FAM234A: variants seen among roughly 807,000 people sequenced by gnomAD.
The protein encoded by FAM234A is family with sequence similarity 234 member A.
In FAM234A, 42 loss-of-function variants were observed where a neutral mutation model predicts 49.1. The ratio of observed to expected loss-of-function variants is 0.86; its 90% CI spans 0.67 to 1.11. The LOEUF is 1.11. Among genes scored for constraint, FAM234A ranks in the 50% least tolerant of loss-of-function variants. The pLI is 0.00. For synonymous variants in FAM234A, 369 were observed against 316.2 expected, an observed-to-expected ratio of 1.17 and a Z score of -1.77; for missense variants, 815 against 745.2, an observed-to-expected ratio of 1.09 and a Z score of -1.09.
intron 1 of FAM234A, among the ~76,000 whole-genome samples, chr16:243,556 T>C (rs1376933921): frequency 6.6e-6 from 1 of 152,236 alleles, no homozygotes; most frequent in Non-Finnish European, 1.5e-5. Flanking sequence ...ACCTGTCTCA[T>C]GGTGTCTTTA....
At chr16:269,341 G>C, downstream of FAM234A, 2 of 1,603,368 alleles carry the variant, frequency 1.2e-6, no homozygotes, top group South Asian at 1.1e-5. Flanking sequence ...GGAGTGCAGG[G>C]CTGGGGCTCG....
chr16:257,381 G>A (rs941208633), intron 3 of FAM234A, among the ~76,000 whole-genome samples: 11 of 151,018 alleles, frequency 7.3e-5, no homozygotes, highest in African/African-American at 2.2e-4. Flanking sequence ...AAGTAGCTGG[G>A]ATTACAGGTG....
chr16:265,622 C>T lies in FAM234A; in HGVS notation c.*600C>T. 7.1e-6 allele frequency: 7 copies of T among 985,568 alleles called. No homozygotes were observed. Among genetic ancestry groups the T allele is most frequent in the Non-Finnish European group, 8.4e-6 (7 of 830,130 alleles). The allele number at this position is 985,568 out of a possible 1,614,324, so 61.1% of individuals were successfully genotyped here. Reference sequence around the variant, plus strand: ...CTAGCATGGGGGGTGTGACTTGGTTCCTTTGACCAGGTCCTGTGAGGAAGC... The same window carrying T: ...CTAGCATGGGGGGTGTGACTTGGTTTCTTTGACCAGGTCCTGTGAGGAAGC... On this transcript the variant is annotated 3_prime_UTR_variant, in exon 13 of 13. Coordinates refer to ENST00000399932, the MANE Select transcript of FAM234A (RefSeq NM_032039.4).
At chr16:261,993 A>G (rs2239740) in intron 6 of FAM234A, 100 bp from the exon 7 acceptor site, 1 of 918,162 alleles carries the variant, frequency 1.1e-6, no homozygotes, top group Non-Finnish European at 1.4e-6. Flanking sequence ...GCCTTGTGTC[A>G]TTGCAGCCCC....
downstream of FAM234A, chr16:269,432 C>G: frequency 6.3e-7 from 1 of 1,589,820 alleles, no homozygotes; most frequent in East Asian, 2.2e-5. Context: ...TGGTGTCCTG[C>G]CCACCTCACT....
intron 10 of FAM234A, 70 bp downstream of exon 10, chr16:263,845 G>A (rs2051583629): frequency 3.2e-5 from 46 of 1,453,440 alleles, no homozygotes; most frequent in South Asian, 2.0e-4. Context: ...GAAAGCAGAC[G>A]GGGCTGCGGC....
intron 2 of FAM234A, among the ~76,000 whole-genome samples, chr16:252,206 CAG>C (rs1390701945): frequency 1.6e-5 from 2 of 127,970 alleles, no homozygotes; most frequent in East Asian, 2.4e-4. Context: ...TTTTTTGAGA[CAG>C]AGTCTCACTG....
chr16:259,898 C>G, intron 4 of FAM234A, 71 bp from the exon 5 acceptor site: 2 of 1,389,004 alleles, frequency 1.4e-6, no homozygotes, highest in Non-Finnish European at 2.0e-6. Flanking sequence ...CCTGGAACAG[C>G]ACATGCTGGG....
downstream of FAM234A, chr16:269,941 C>T (rs572562911): frequency 1.5e-3 from 339 of 227,800 alleles, no homozygotes; most frequent in African/African-American, 7.5e-3. Flanking sequence ...AGGTAGGCCA[C>T]GCATGGTGGC....
downstream of FAM234A, chr16:268,670 TG>T: frequency 8.0e-7 from 1 of 1,246,780 alleles, no homozygotes; most frequent in Non-Finnish European, 1.1e-6. Flanking sequence ...GGCGCACCTG[TG>T]GACAAATTCT....
intron 2 of FAM234A, among the ~76,000 whole-genome samples, chr16:253,241 G>T (rs935775629): frequency 3.3e-5 from 5 of 152,134 alleles, no homozygotes; most frequent in African/African-American, 7.2e-5. Context: ...GGAACCAGGG[G>T]AAGGAGAGGG....
At position 264,171 on chromosome 16, in the gene FAM234A, G is replaced by C. The variant is rs1315754268; in HGVS notation, c.1344G>C (p.Thr448=). 5 of 1,597,722 alleles carry C rather than the reference G, an allele frequency of 3.1e-6. No homozygotes were observed. Among genetic ancestry groups the C allele is most frequent in the Non-Finnish European group, 4.2e-6 (5 of 1,176,670 alleles). The part of the protein sequence containing the change: ...GLHELGSTSE[T]ETGEARHSLY... ...ACGAGCTGGGGAGCACCAGCGAGAC[G>C]GTACGGGAGCCACCCTCGGAGCAGC... The change falls in exon 11 of 13, where the codon ACG becomes ACC. Residue 448 remains threonine (T), a splice_region_variant and synonymous_variant. Coordinates refer to ENST00000399932, the MANE Select transcript of FAM234A (RefSeq NM_032039.4).
chr16:257,109 C>T (rs544214868), intron 3 of FAM234A, among the ~76,000 whole-genome samples: 1 of 152,238 alleles, frequency 6.6e-6, no homozygotes, highest in South Asian at 2.1e-4. Flanking sequence ...AAACTCCTGA[C>T]CTCAAGTGAT....
At position 265,993 on chromosome 16, in the gene FAM234A, C is replaced by A. The variant is rs1006590353; in HGVS notation, c.*971C>A. ...GGCAGCCATGGTGCTCTGTACTGCT[C>A]GGGCCGCCCAGGTCACAGAGCCTGA... On this transcript the variant is annotated 3_prime_UTR_variant, in exon 13 of 13. Coordinates refer to ENST00000399932, the MANE Select transcript of FAM234A (RefSeq NM_032039.4). 79 of 985,808 alleles carry A rather than the reference C, an allele frequency of 8.0e-5. No individual in the cohort carries two copies. In the African/African-American group the frequency reaches 1.3e-3, roughly 16 times the overall value. 61.1% of individuals were successfully genotyped at this position (985,808 alleles called of 1,614,324 possible).
intron 3 of FAM234A, among the ~76,000 whole-genome samples, chr16:257,762 G>A (rs2051293085): frequency 6.6e-6 from 1 of 152,144 alleles, no homozygotes; most frequent in South Asian, 2.1e-4. Flanking sequence ...GAGACAGGAG[G>A]ATCACTTGAG....
In FAM234A at chr16:240,090, A is replaced by C. The variant is rs192592700; in HGVS notation, c.-140+5233A>C. On this transcript the variant is annotated intron_variant, in intron 1 of 12. Coordinates refer to ENST00000399932, the MANE Select transcript of FAM234A (RefSeq NM_032039.4). Reference sequence around the variant, plus strand: ...GCTGTTGTGGGTGTCTCTGAAGCTCATGTTGAATTGCTGTCAAATGCCCAG... The same window carrying C: ...GCTGTTGTGGGTGTCTCTGAAGCTCCTGTTGAATTGCTGTCAAATGCCCAG... 5 of 152,004 alleles carry C rather than the reference A, an allele frequency of 3.3e-5. No homozygotes were observed. In the East Asian group the frequency reaches 9.6e-4, roughly 29 times the overall value. 9.4% of individuals were successfully genotyped at this position (152,004 alleles called of 1,614,324 possible).
chr16:257,210 A>T (rs1264894288), intron 3 of FAM234A, among the ~76,000 whole-genome samples: 1 of 148,816 alleles, frequency 6.7e-6, no homozygotes. Context: ...CCTTCGATGC[A>T]TAAAAGCTTT....
chr16:256,740 A>ATTT (rs373856766), intron 3 of FAM234A, among the ~76,000 whole-genome samples: 3 of 113,750 alleles, frequency 2.6e-5, no homozygotes, highest in Admixed American at 1.8e-4. Context: ...TGCCTGGCTA[A>ATTT]TTTTTTTTTT....
chr16:263,533 G>T, intron 9 of FAM234A, 131 bp downstream of exon 9: 1 of 1,376,418 alleles, frequency 7.3e-7, no homozygotes, highest in Non-Finnish European at 9.9e-7. Context: ...CGGGCTTCTT[G>T]CCTGTCTCTG....
Sources: allele counts gnomAD v4.1 joint callset (sites outside exome capture counted in the v4.1 genomes callset), GRCh38; gene constraint gnomAD v4.1.1; transcripts MANE v1.5; gene names NCBI Gene and HGNC (gene_info 2026-07-23, HGNC 2026-07-21).